The following PKD1 variants were observed in gnomAD, a reference collection of about 807,000 sequenced individuals.
The protein encoded by PKD1 is polycystin 1, transient receptor potential channel interacting.
PKD1 carries 81 observed loss-of-function variants against 361.7 expected under a neutral mutation model. That is an observed-to-expected ratio of 0.22 (90% CI 0.19 to 0.27). The LOEUF (loss-of-function observed/expected upper bound fraction) is 0.27, where lower values mean the gene tolerates loss of function less well. PKD1 is among the 10% of genes least tolerant of loss of function. PKD1 has a pLI of 1.00. For missense variants in PKD1, 6,399 were observed against 6,118.3 expected (o/e 1.05, Z -1.53); for synonymous variants, 3,615 against 2,818.3 (o/e 1.28, Z -8.95).
Position 2,089,148 on chromosome 16 carries a change from G to A in PKD1, c.*579C>T, listed in dbSNP as rs563305714. On this transcript the variant is annotated 3_prime_UTR_variant, in exon 46 of 46. Coordinates refer to ENST00000262304, the MANE Select transcript of PKD1 (RefSeq NM_001009944.3). ...CCAAGCTCGCATCCAAGCAGCAGCC[G>A]GGCTGCCATAACGCCACCACACCTA... 27 of 169,808 alleles carry A rather than the reference G, an allele frequency of 1.6e-4. No individual in the cohort carries two copies. The South Asian group carries it at 2.6e-3, about 17-fold the overall frequency. 10.5% of individuals were successfully genotyped at this position (169,808 alleles called of 1,614,324 possible).
Position 2,102,386 on chromosome 16 carries a change from A to G in PKD1, c.9196T>C (p.Phe3066Leu), listed in dbSNP as rs9925969. The change falls in exon 25 of 46, where the codon TTT (phenylalanine) becomes CTT (leucine). Residue 3066 changes from phenylalanine to leucine, a missense_variant. Transcript: ENST00000262304. ...FVPPSHVRFVFPEPTADVNYI... is the reference protein window; with the variant it reads ...FVPPSHVRFVLPEPTADVNYI... ...AGGAGCACAGGGTCACTCACAGGAA[A>G]CACAAAGCGGACATGGCTTGGGGGC... The G allele has an allele frequency of 0.17, 267,178 of 1,555,320 alleles. 27,908 individuals carry two copies. Among genetic ancestry groups the G allele is most frequent in the African/African-American group, 0.49 (35,583 of 72,994 alleles).
chr16:2,118,906 C>T lies in PKD1; in HGVS notation c.360-61G>A. 1.2e-6 allele frequency: 1 copy of T among 823,208 alleles called. No homozygotes were observed. The highest frequency in any genetic ancestry group is 1.7e-5 in the South Asian group (1 of 60,112). The allele number at this position is 823,208 out of a possible 1,614,324, so 51.0% of individuals were successfully genotyped here. On this transcript the variant is annotated intron_variant, in intron 3 of 45. Transcript: ENST00000262304. This position sits in a 1 kb window ranked among gnomAD's most constrained non-coding sequence, Gnocchi z 6.0. The stretch of plus-strand genomic sequence containing the variant: ...GGTGGGAAGGGTCTATGCCAGCCCC[C>T]CACTGGCAACCAGGCCCTGGAGCCA...
chr16:2,122,577 G>T (rs1406852816), intron 1 of PKD1, among the ~76,000 whole-genome samples: 1 of 152,240 alleles, frequency 6.6e-6, no homozygotes, highest in African/African-American at 2.4e-5. Flanking sequence ...GGTGGTGGCT[G>T]GGAGACCAGC....
intron 15 of PKD1, 79 bp from the exon 16 acceptor site, chr16:2,108,111 G>C: frequency 6.5e-7 from 1 of 1,529,618 alleles, no homozygotes; most frequent in Non-Finnish European, 9.0e-7. Context: ...AGGAGACAGC[G>C]CGGGAGACCC....
chr16:2,133,802 G>A (rs2092917059), intron 1 of PKD1, among the ~76,000 whole-genome samples: 3 of 151,528 alleles, frequency 2.0e-5, no homozygotes, highest in Admixed American at 1.3e-4. Flanking sequence ...AGCTCAGGCT[G>A]GGACAGGCCA....
rs1012723566 is a variant in PKD1, at chr16:2,091,646, G to A, written c.11538-49C>T. 2.6e-6 allele frequency: 4 copies of A among 1,555,520 alleles called. No homozygotes were observed. In the African/African-American group the frequency reaches 5.4e-5, roughly 21 times the overall value. On this transcript the variant is annotated intron_variant, in intron 41 of 45. Coordinates refer to ENST00000262304, the MANE Select transcript of PKD1 (RefSeq NM_001009944.3). ...AGGAGCGGGTGGCAGGGCGGGAGCT[G>A]CGGGGACCGCGCAGTGCAGGCGTGG...
rs767068030 is a variant in PKD1 at position 2,089,719 on chromosome 16, A to G, written c.*8T>C. On this transcript the variant is annotated 3_prime_UTR_variant, in exon 46 of 46. Transcript: ENST00000262304. ...GACTCCACGGCCCACCCCCGCCAGGAAGGAGGACTAAGTGCTGCTGGGGTG... is the reference window on the plus strand; with the variant it reads ...GACTCCACGGCCCACCCCCGCCAGGGAGGAGGACTAAGTGCTGCTGGGGTG... 3 of 1,575,162 alleles carry G rather than the reference A, an allele frequency of 1.9e-6. No homozygotes were observed. The highest frequency in any genetic ancestry group is 2.6e-6 in the Non-Finnish European group (3 of 1,161,936).
chr16:2,127,182 G>A (rs116491932), intron 1 of PKD1, among the ~76,000 whole-genome samples: 4,072 of 152,330 alleles, frequency 0.027, 198 homozygotes, highest in African/African-American at 0.092. Context: ...AGAATGCAGC[G>A]GGGTCCGCAC....
intron 1 of PKD1, among the ~76,000 whole-genome samples, chr16:2,131,516 AAAATAAAT>A (rs764080232): frequency 2.0e-5 from 3 of 149,936 alleles, no homozygotes; most frequent in African/African-American, 5.0e-5. Context: ...TCAAATAATA[AAAATAAAT>A]AAATAAATAA....
intron 34 of PKD1, chr16:2,095,526 A>G (rs948472381): frequency 9.2e-5 from 14 of 152,308 alleles, no homozygotes; most frequent in Non-Finnish European, 7.3e-5. Context: ...GAGAATGGCC[A>G]ATAGGGAGGC....
Position 2,110,505 on chromosome 16 carries a change from A to G in PKD1, c.4662T>C (p.Asn1554=), listed in dbSNP as rs778135756. Residue 1554 remains asparagine (N), a synonymous_variant, in exon 15 of 46, where the codon AAT becomes AAC. Coordinates refer to ENST00000262304, the MANE Select transcript of PKD1 (RefSeq NM_001009944.3). ...TCAGGGGCACCACCGTGCGGCTTGCATTGACGACGAGCCCCCGCACGCGCC... is the reference window on the plus strand; with the variant it reads ...TCAGGGGCACCACCGTGCGGCTTGCGTTGACGACGAGCCCCCGCACGCGCC... The part of the protein sequence containing the change: ...VKRRVRGLVV[N]ASRTVVPLNG... 3.1e-6 allele frequency: 5 copies of G among 1,612,054 alleles called. No homozygotes were observed. The African/African-American group carries it at 5.3e-5, about 17-fold the overall frequency.
chr16:2,123,984 C>T (rs889777844), intron 1 of PKD1, among the ~76,000 whole-genome samples: 8 of 152,206 alleles, frequency 5.3e-5, no homozygotes, highest in African/African-American at 1.4e-4. Flanking sequence ...ATCTGGAAGG[C>T]GGGAGGAGTT....
At chr16:2,094,613 A>C in intron 34 of PKD1, 1 of 285,850 alleles carries the variant, frequency 3.5e-6, no homozygotes, top group East Asian at 9.3e-5. Flanking sequence ...TGTCCCATGC[A>C]GGTTTATGGC....
Position 2,110,435 on chromosome 16 carries a change from C to T in PKD1, c.4732G>A (p.Val1578Met). 1.2e-6 allele frequency: 2 copies of T among 1,612,590 alleles called. No homozygotes were observed. Among genetic ancestry groups the T allele is most frequent in the Non-Finnish European group, 1.7e-6 (2 of 1,179,852 alleles). Residue 1578 changes from valine to methionine, a missense_variant, in exon 15 of 46, where the codon GTG becomes ATG. Coordinates refer to ENST00000262304, the MANE Select transcript of PKD1 (RefSeq NM_001009944.3). ...TCACAGAGCACCCAGGAATAGCGCA[C>T]ATCACTGCCGGCCTCCAGCGACGTG... ...FSTSLEAGSD[V>M]RYSWVLCDRC...
In PKD1 at chr16:2,107,798, A is replaced by G. The variant is rs1048819381; in HGVS notation, c.7065+85T>C. ...AGAGAGGGGAGAGCGTGCGGCCTCC[A>G]CCAGCACTAAAACACGGAAAACAGT... is the stretch of plus-strand genomic sequence containing the variant. On this transcript the variant is annotated intron_variant, in intron 16 of 45. Transcript: ENST00000262304. The G allele has an allele frequency of 9.2e-6, 12 of 1,309,302 alleles. No individual in the cohort carries two copies. In the African/African-American group the frequency reaches 1.7e-4, roughly 19 times the overall value. 81.1% of individuals were successfully genotyped at this position (1,309,302 alleles called of 1,614,324 possible).
chr16:2,097,070 G>A (rs1453548524), intron 34 of PKD1, 78 bp downstream of exon 34: 1 of 759,298 alleles, frequency 1.3e-6, no homozygotes. Context: ...CCTACCCCAG[G>A]CGGGAACCAC....
rs764431330 is a variant in PKD1 at position 2,090,751 on chromosome 16, G to A, written c.12061C>T (p.Arg4021Ter). The change falls in exon 44 of 46, where the codon CGA (arginine) becomes TGA (stop). Residue 4021 changes from arginine to a stop codon, truncating the protein, a stop_gained. Transcript: ENST00000262304. LOFTEE classifies it high-confidence loss of function. ...ACCCCCAGGAGCTCTGGCAGAGCTC[G>A]GCATAATGTCTTGCCAAAGACGGAC... Reference protein sequence around the residue: ...QWSVFGKTLCRALPELLGVTL... With the variant: ...QWSVFGKTLC 1 of 1,612,612 alleles carries A rather than the reference G, an allele frequency of 6.2e-7. No individual in the cohort carries two copies. Among genetic ancestry groups the A allele is most frequent in the Non-Finnish European group, 8.5e-7 (1 of 1,179,958 alleles).
Position 2,093,916 on chromosome 16 carries a change from G to GACAGCC in PKD1, c.10710_10715dup (p.Ala3571_Val3572dup), listed in dbSNP as rs777460677. The GACAGCC allele has an allele frequency of 5.7e-6, 9 of 1,582,650 alleles. No homozygotes were observed. The highest frequency in any genetic ancestry group is 6.8e-6 in the Non-Finnish European group (8 of 1,169,142). On this transcript the variant is annotated inframe_insertion, in exon 36 of 46. Coordinates refer to ENST00000262304, the MANE Select transcript of PKD1 (RefSeq NM_001009944.3). Reference sequence around the variant, plus strand: ...GGAAGCTCGCACCCACCCACCCTGAGACAGCCACAGCCACAGCCACCAGGA... The same window carrying GACAGCC: ...GGAAGCTCGCACCCACCCACCCTGAGACAGCCACAGCCACAGCCACAGCCACCAGGA...
chr16:2,115,920 C>T (rs2092625886), intron 9 of PKD1, 72 bp downstream of exon 9: 15 of 1,502,040 alleles, frequency 1.0e-5, no homozygotes, highest in South Asian at 7.2e-5. Context: ...GACCAGCAGA[C>T]GTGAAAGCTC....
Sources: gnomAD v4.1 joint callset for allele counts (sites outside exome capture counted in the v4.1 genomes callset) on GRCh38, gnomAD v4.1.1 for gene constraint, Gnocchi (gnomAD v3.1) non-coding constraint, MANE v1.5 for transcripts, NCBI Gene and HGNC (gene_info 2026-07-23, HGNC 2026-07-21) for gene names.